Variants in GRID1 observed in about 807,000 individuals in gnomAD.
GRID1 encodes glutamate ionotropic receptor delta type subunit 1.
GRID1 carries 28 observed loss-of-function variants against 98.0 expected under a neutral mutation model. The observed-to-expected ratio is 0.29, with a 90% CI of 0.21 to 0.39. The LOEUF is 0.39. Among genes scored for constraint, GRID1 ranks in the 10% least tolerant of loss-of-function variants. The probability of loss-of-function intolerance (pLI) is 1.00; values close to 1 mark genes in which losing one functional copy is unlikely to be tolerated. For synonymous variants in GRID1, 553 were observed against 538.5 expected, an observed-to-expected ratio of 1.03 and a Z score of -0.37; for missense variants, 1,111 against 1,340.5, an observed-to-expected ratio of 0.83 and a Z score of 2.67.
chr10:86,322,502 C>T (rs536807599), intron 2 of GRID1, among the ~76,000 whole-genome samples: 18 of 152,054 alleles, frequency 1.2e-4, no homozygotes, highest in Non-Finnish European at 2.4e-4. Context: ...ACCTCCACCT[C>T]CTGGTTCAAG....
rs1304146384 is a variant in GRID1 at position 85,823,385 on chromosome 10, A to G, written c.1233+31111T>C. On this transcript the variant is annotated intron_variant, in intron 8 of 15. Transcript: ENST00000327946. ...TTTAAATTACAAAAAAGAGAAAAATAAAGATAATTTGAGAAATAATTAGAA... is the reference window on the plus strand; with the variant it reads ...TTTAAATTACAAAAAAGAGAAAAATGAAGATAATTTGAGAAATAATTAGAA... Among the ~76,000 whole-genome samples, 7 of 152,082 alleles carry G rather than the reference A, an allele frequency of 4.6e-5. No individual in the cohort carries two copies. The East Asian group carries it at 1.3e-3, about 29-fold the overall frequency.
chr10:86,252,098 G>A (rs1434955418), intron 2 of GRID1, among the ~76,000 whole-genome samples: 1 of 152,220 alleles, frequency 6.6e-6, no homozygotes, highest in Non-Finnish European at 1.5e-5. Context: ...AAGTAGCAGA[G>A]CCAGATACAG....
chr10:86,081,363 C>T (rs1217961088), intron 4 of GRID1, among the ~76,000 whole-genome samples: 1 of 152,068 alleles, frequency 6.6e-6, no homozygotes, highest in African/African-American at 2.4e-5. Context: ...TGCAAGAATT[C>T]CACCCTTATG....
At chr10:86,302,990 TC>T (rs1847712024) in intron 2 of GRID1, among the ~76,000 whole-genome samples, 1 of 152,200 alleles carries the variant, frequency 6.6e-6, no homozygotes, top group Non-Finnish European at 1.5e-5. Flanking sequence ...AAATAATGAA[TC>T]ACATGTGTTG....
chr10:86,194,064 G>A (rs969809919), intron 3 of GRID1, among the ~76,000 whole-genome samples: 2 of 152,124 alleles, frequency 1.3e-5, no homozygotes, highest in African/African-American at 4.8e-5. Context: ...CCAGAACAAG[G>A]TCTGTTCTCC....
chr10:86,003,191 G>A (rs180956025), intron 4 of GRID1, among the ~76,000 whole-genome samples: 3 of 152,318 alleles, frequency 2.0e-5, no homozygotes, highest in Middle Eastern at 6.8e-3. Context: ...TGTCAAGCAC[G>A]TGTTGAGCCA....
chr10:86,299,145 C>T (rs553513976), intron 2 of GRID1, among the ~76,000 whole-genome samples: 25 of 151,898 alleles, frequency 1.6e-4, no homozygotes, highest in South Asian at 8.3e-4. Context: ...CCTGCCTGTT[C>T]CATGTGGTAC....
intron 3 of GRID1, among the ~76,000 whole-genome samples, chr10:86,155,296 T>A (rs1845228924): frequency 6.6e-6 from 1 of 152,220 alleles, no homozygotes; most frequent in Non-Finnish European, 1.5e-5. Flanking sequence ...ACGGCCAACC[T>A]GCCATTCTTC....
chr10:85,615,213 G>T (rs895074270), intron 14 of GRID1, among the ~76,000 whole-genome samples: 8 of 152,202 alleles, frequency 5.3e-5, no homozygotes, highest in Non-Finnish European at 8.8e-5. Context: ...AGCATCATGG[G>T]TCCAGTACAG....
intron 4 of GRID1, among the ~76,000 whole-genome samples, chr10:86,048,003 G>A (rs1843449051): frequency 6.6e-6 from 1 of 152,166 alleles, no homozygotes; most frequent in Non-Finnish European, 1.5e-5. Context: ...TGCGGTGACT[G>A]CATTCCCTTT....
At position 85,751,310 on chromosome 10, in the gene GRID1, G is replaced by A. The variant is rs189052638; in HGVS notation, c.1234-21696C>T. 1.2e-3 allele frequency among the ~76,000 whole-genome samples: 181 copies of A among 152,336 alleles called. 1 individual carries two copies. The highest frequency in any genetic ancestry group is 4.3e-3 in the African/African-American group (179 of 41,576). On this transcript the variant is annotated intron_variant, in intron 8 of 15. Coordinates refer to ENST00000327946, the MANE Select transcript of GRID1 (RefSeq NM_017551.3). ...ATGAGCAGATATTAGGGTAGCGCCA[G>A]GTTGGCTCTAAGAAGCTTTGCCTTG...
In GRID1 at chr10:86,365,807, A is replaced by G. The variant is rs1848668585; in HGVS notation, c.79+507T>C. ...CGCTCAGATGGCCCCACACACCCCA[A>G]CACCCTCTCACAGTAACACCGACAC... On this transcript the variant is annotated intron_variant, in intron 1 of 15. Transcript: ENST00000327946. The surrounding 1 kb of genome is among the most constrained non-coding windows in gnomAD (Gnocchi z 4.8). Among the ~76,000 whole-genome samples, 1 of 151,952 alleles carries G rather than the reference A, an allele frequency of 6.6e-6. No homozygotes were observed. The highest frequency in any genetic ancestry group is 6.6e-5 in the Admixed American group (1 of 15,256).
At chr10:86,063,091 C>T (rs566676991) in intron 4 of GRID1, among the ~76,000 whole-genome samples, 1 of 152,362 alleles carries the variant, frequency 6.6e-6, no homozygotes, top group South Asian at 2.1e-4. Context: ...TCCACCCCAC[C>T]TGGCACCCAT....
At chr10:86,016,349 T>C (rs1453677657) in intron 4 of GRID1, among the ~76,000 whole-genome samples, 1 of 151,882 alleles carries the variant, frequency 6.6e-6, no homozygotes, top group East Asian at 1.9e-4. Flanking sequence ...GGTTTCACCG[T>C]GTTAGCCAGG....
At chr10:86,214,291 CT>C (rs1177157198) in intron 2 of GRID1, among the ~76,000 whole-genome samples, 1 of 152,194 alleles carries the variant, frequency 6.6e-6, no homozygotes, top group East Asian at 1.9e-4. Context: ...CTCTTGCTCA[CT>C]GCCAGGACTC....
intron 12 of GRID1, among the ~76,000 whole-genome samples, chr10:85,711,427 C>T (rs988417991): frequency 6.6e-6 from 1 of 151,796 alleles, no homozygotes; most frequent in Admixed American, 6.6e-5. Context: ...CTAGAGTAGT[C>T]AAATTTATAC....
intron 2 of GRID1, among the ~76,000 whole-genome samples, chr10:86,287,147 C>G (rs530720418): frequency 6.6e-6 from 1 of 152,298 alleles, no homozygotes; most frequent in South Asian, 2.1e-4. Context: ...AATGCCTGGG[C>G]ACAGGAGGTC....
intron 5 of GRID1, among the ~76,000 whole-genome samples, chr10:85,897,642 A>T (rs181510328): frequency 4.3e-4 from 66 of 152,352 alleles, no homozygotes; most frequent in Admixed American, 7.8e-4. Context: ...TTATATATTT[A>T]TGATGTACAA....
intron 2 of GRID1, among the ~76,000 whole-genome samples, chr10:86,207,628 C>CTTTTT (rs71016123): frequency 3.7e-4 from 39 of 106,208 alleles, no homozygotes; most frequent in Non-Finnish European, 5.6e-4. Flanking sequence ...GATGCAGTTT[C>CTTTTT]TTTTTTTTTT....
Sources: gnomAD v4.1 joint callset for allele counts (sites outside exome capture counted in the v4.1 genomes callset) on GRCh38, gnomAD v4.1.1 for gene constraint, Gnocchi (gnomAD v3.1) non-coding constraint, MANE v1.5 for transcripts, NCBI Gene and HGNC (gene_info 2026-07-23, HGNC 2026-07-21) for gene names.